Variants in SLC24A2 observed in about 807,000 individuals in gnomAD.
SLC24A2 encodes solute carrier family 24 member 2.
SLC24A2 carries 36 observed loss-of-function variants against 62.0 expected under a neutral mutation model. The ratio of observed to expected loss-of-function variants is 0.58; its 90% CI spans 0.44 to 0.77. SLC24A2 has a LOEUF of 0.77. Among genes scored for constraint, SLC24A2 ranks in the 30% least tolerant of loss-of-function variants. The pLI is 0.00. For missense variants in SLC24A2, 846 were observed against 817.9 expected, an observed-to-expected ratio of 1.03 and a Z score of -0.42; for synonymous variants, 358 against 294.0, an observed-to-expected ratio of 1.22 and a Z score of -2.23.
the SLC24A2 span, among the ~76,000 whole-genome samples, chr9:19,962,577 C>A: frequency 9.9e-5 from 15 of 152,200 alleles, no homozygotes; most frequent in East Asian, 1.9e-4. Context: ...GAGGTCCTTC[C>A]CGTCCCTTGT....
At chr9:20,306,081 A>G in the SLC24A2 span, among the ~76,000 whole-genome samples, 2 of 152,144 alleles carry the variant, frequency 1.3e-5, no homozygotes, top group Non-Finnish European at 2.9e-5. Flanking sequence ...CAGTCACATT[A>G]TTCTGAGGTA....
chr9:20,050,240 C>CGGAAA, the SLC24A2 span, among the ~76,000 whole-genome samples: 1 of 59,560 alleles, frequency 1.7e-5, no homozygotes, highest in Non-Finnish European at 3.4e-5. Context: ...CCCGTCTCTA[C>CGGAAA]AAAAAAAAAA....
intron 2 of SLC24A2, among the ~76,000 whole-genome samples, chr9:19,773,858 T>A (rs1822764158): frequency 1.3e-5 from 2 of 152,174 alleles, no homozygotes; most frequent in Non-Finnish European, 2.9e-5. Flanking sequence ...AGAAGAGGGC[T>A]CAAGAGAATT....
chr9:19,942,869 A>G, the SLC24A2 span, among the ~76,000 whole-genome samples: 1 of 152,288 alleles, frequency 6.6e-6, no homozygotes, highest in East Asian at 1.9e-4. Flanking sequence ...ATGAGCCAAC[A>G]AAGACTTGAA....
chr9:20,033,887 C>A, the SLC24A2 span, among the ~76,000 whole-genome samples: 1 of 152,154 alleles, frequency 6.6e-6, no homozygotes, highest in Admixed American at 6.5e-5. Context: ...GAATAGCCAC[C>A]CTTTTACTCC....
intron 4 of SLC24A2, among the ~76,000 whole-genome samples, chr9:19,611,690 C>T (rs1837177420): frequency 1.3e-5 from 2 of 151,998 alleles, no homozygotes; most frequent in African/African-American, 4.8e-5. Context: ...ATAAATTGGA[C>T]TCATGGGTCA....
the SLC24A2 span, among the ~76,000 whole-genome samples, chr9:20,260,193 G>A: frequency 6.6e-6 from 1 of 152,212 alleles, no homozygotes; most frequent in Non-Finnish European, 1.5e-5. Context: ...GGCTGGTTTG[G>A]CCCTTCTTGC....
At chr9:20,055,247 G>A in the SLC24A2 span, among the ~76,000 whole-genome samples, 1 of 151,982 alleles carries the variant, frequency 6.6e-6, no homozygotes, top group Non-Finnish European at 1.5e-5. Flanking sequence ...CACAAAAAAA[G>A]TCTTTACTTC....
chr9:19,897,479 T>C, the SLC24A2 span, among the ~76,000 whole-genome samples: 13 of 152,284 alleles, frequency 8.5e-5, no homozygotes, highest in African/African-American at 2.9e-4. Flanking sequence ...CAATTATAGA[T>C]GTATATGTCA....
chr9:19,838,726 A>G, the SLC24A2 span, among the ~76,000 whole-genome samples: 4 of 151,454 alleles, frequency 2.6e-5, no homozygotes, highest in South Asian at 2.1e-4. Context: ...TAAGCATTGT[A>G]TTCTTTTTAA....
chr9:20,249,047 T>C, the SLC24A2 span, among the ~76,000 whole-genome samples: 2 of 152,152 alleles, frequency 1.3e-5, no homozygotes, highest in African/African-American at 4.8e-5. Context: ...ACAAAGACGA[T>C]GAAGTAAAGC....
chr9:20,171,705 C>G, the SLC24A2 span, among the ~76,000 whole-genome samples: 1 of 151,844 alleles, frequency 6.6e-6, no homozygotes, highest in African/African-American at 2.4e-5. Context: ...ACTAGAGCTC[C>G]CAAATTTATA....
chr9:19,641,380 G>A (rs1226540414), intron 2 of SLC24A2, among the ~76,000 whole-genome samples: 3 of 152,134 alleles, frequency 2.0e-5, no homozygotes, highest in Non-Finnish European at 4.4e-5. Flanking sequence ...AATGTCTAGT[G>A]GGCATAATAA....
At chr9:20,161,268 G>A in the SLC24A2 span, among the ~76,000 whole-genome samples, 3 of 151,338 alleles carry the variant, frequency 2.0e-5, no homozygotes, top group African/African-American at 7.3e-5. Context: ...AAAATCACCA[G>A]GCTCAGGTGC....
chr9:20,103,898 T>C, the SLC24A2 span, among the ~76,000 whole-genome samples: 1 of 151,966 alleles, frequency 6.6e-6, no homozygotes, highest in Admixed American at 6.6e-5. Context: ...ATCAAACTAC[T>C]CCAAGCTACA....
Position 19,786,369 on chromosome 9 carries a change from T to C in SLC24A2, c.498A>G (p.Glu166=), listed in dbSNP as rs1484451636. 1.9e-6 allele frequency: 3 copies of C among 1,614,212 alleles called. No homozygotes were observed. The highest frequency in any genetic ancestry group is 2.7e-5 in the African/African-American group (2 of 75,048). Reference sequence around the variant, plus strand: ...CCACATCATCAGAGATGCCCAGTTTTTCAGTGATGACAGTCAAAGAAGGAA... The same window carrying C: ...CCACATCATCAGAGATGCCCAGTTTCTCAGTGATGACAGTCAAAGAAGGAA... ...FFVPSLTVIT[E]KLGISDDVAG... Residue 166 remains glutamate, a synonymous_variant, in exon 2 of 11, where the codon GAA becomes GAG. Transcript: ENST00000341998. This position sits in a 1 kb window ranked among gnomAD's most constrained non-coding sequence, Gnocchi z 5.0.
intron 7 of SLC24A2, among the ~76,000 whole-genome samples, chr9:19,561,721 C>T (rs1293820840): frequency 1.3e-5 from 2 of 152,148 alleles, no homozygotes; most frequent in African/African-American, 4.8e-5. Flanking sequence ...TGAGCCACTG[C>T]TCCTGGCCGA....
the SLC24A2 span, among the ~76,000 whole-genome samples, chr9:20,260,059 T>A: frequency 6.6e-6 from 1 of 152,278 alleles, no homozygotes; most frequent in African/African-American, 2.4e-5. Context: ...CTCCAGCCTG[T>A]GTGACAGAGT....
the SLC24A2 span, among the ~76,000 whole-genome samples, chr9:20,166,699 A>C: frequency 1.3e-5 from 2 of 151,994 alleles, no homozygotes; most frequent in Non-Finnish European, 2.9e-5. Context: ...TAAAAGGAAT[A>C]GTAGAGGGAG....
Sources: allele counts gnomAD v4.1 joint callset (sites outside exome capture counted in the v4.1 genomes callset), GRCh38; gene constraint gnomAD v4.1.1; non-coding constraint Gnocchi (gnomAD v3.1); transcripts MANE v1.5; gene names NCBI Gene and HGNC (gene_info 2026-07-23, HGNC 2026-07-21).